Variants in RBM47 observed in about 807,000 individuals in gnomAD.
RBM47 encodes the protein RNA binding motif protein 47, also known as RNA-binding protein 47.
In RBM47, 21 loss-of-function variants were observed where a neutral mutation model predicts 47.1. That is an observed-to-expected ratio of 0.45 (90% CI 0.32 to 0.64). RBM47 has a LOEUF of 0.64. Among genes scored for constraint, RBM47 ranks in the 30% least tolerant of loss-of-function variants. RBM47 has a pLI of 0.05. For missense variants in RBM47, 708 were observed against 870.9 expected (o/e 0.81, Z 2.35); for synonymous variants, 375 against 361.7 (o/e 1.04, Z -0.42).
chr4:40,581,849 G>A (rs1026131172), intron 1 of RBM47, among the ~76,000 whole-genome samples: 8 of 150,196 alleles, frequency 5.3e-5, no homozygotes, highest in East Asian at 2.0e-4. Context: ...TCTCCTGAAC[G>A]CCAGCCCCAG....
chr4:40,575,556 A>AAAAAAAAAAAAAC (rs1732214926), intron 1 of RBM47, among the ~76,000 whole-genome samples: 4 of 149,198 alleles, frequency 2.7e-5, no homozygotes, highest in Non-Finnish European at 5.9e-5. Flanking sequence ...CCATCTCAAA[A>AAAAAAAAAAAAAC]AAAAAAAAAA....
chr4:40,428,572 T>G (rs1444182046), intron 6 of RBM47, among the ~76,000 whole-genome samples: 1 of 152,104 alleles, frequency 6.6e-6, no homozygotes. Flanking sequence ...TAATAACCAG[T>G]GCAAAAAGGG....
chr4:40,579,997 A>T (rs1411979747), intron 1 of RBM47, among the ~76,000 whole-genome samples: 1 of 151,998 alleles, frequency 6.6e-6, no homozygotes, highest in Non-Finnish European at 1.5e-5. Flanking sequence ...GGCTCAAGGG[A>T]TCTTCCTGCC....
At chr4:40,610,639 A>G (rs1253355739) in intron 1 of RBM47, among the ~76,000 whole-genome samples, 2 of 148,734 alleles carry the variant, frequency 1.3e-5, no homozygotes, top group African/African-American at 2.5e-5. Context: ...AAAGAACAGG[A>G]CCAAGCACAT....
At position 40,438,969 on chromosome 4, in the gene RBM47, G is replaced by A. The variant is rs907203813; in HGVS notation, c.-31-45C>T. On this transcript the variant is annotated intron_variant, in intron 3 of 6. Transcript: ENST00000295971. ...CGTGAGTGGGGAACCGCTGGATCTT[G>A]CCTCTTTTGGGTTGTGTTTCGCAGC... The A allele has an allele frequency of 7.0e-6, 10 of 1,429,860 alleles. No individual in the cohort carries two copies. The African/African-American group carries it at 1.3e-4, about 18-fold the overall frequency. The allele number at this position is 1,429,860 out of a possible 1,614,324, so 88.6% of individuals were successfully genotyped here. A position where few individuals can be genotyped will look rare whatever the true frequency, so the allele number is the denominator to read the frequency against.
At chr4:40,523,203 G>A (rs889693010) in intron 2 of RBM47, among the ~76,000 whole-genome samples, 10 of 151,822 alleles carry the variant, frequency 6.6e-5, no homozygotes, top group Non-Finnish European at 1.3e-4. Context: ...CTGACCTCAA[G>A]TGACCCACCC....
At chr4:40,434,911 C>T (rs868562959) in intron 5 of RBM47, among the ~76,000 whole-genome samples, 1 of 152,138 alleles carries the variant, frequency 6.6e-6, no homozygotes, top group Non-Finnish European at 1.5e-5. Context: ...TCTTCAACTT[C>T]CTCCTGCTGA....
chr4:40,548,652 T>C (rs763403403), intron 1 of RBM47, among the ~76,000 whole-genome samples: 1 of 151,984 alleles, frequency 6.6e-6, no homozygotes, highest in Non-Finnish European at 1.5e-5. Flanking sequence ...CCCTGGCTTT[T>C]AAATCTGAGT....
At chr4:40,612,349 A>C (rs554017314) in intron 1 of RBM47, among the ~76,000 whole-genome samples, 1 of 152,282 alleles carries the variant, frequency 6.6e-6, no homozygotes, top group Admixed American at 6.5e-5. Flanking sequence ...CTCTACTAAA[A>C]ACACACACAA....
Position 40,545,309 on chromosome 4 carries a change from C to T in RBM47, c.-239-803G>A, listed in dbSNP as rs567734679. 2.1e-3 allele frequency among the ~76,000 whole-genome samples: 313 copies of T among 150,052 alleles called. 3 individuals carry two copies. Among genetic ancestry groups the T allele is most frequent in the African/African-American group, 6.9e-3 (285 of 41,270 alleles). On this transcript the variant is annotated intron_variant, in intron 1 of 6. Coordinates refer to ENST00000295971, the MANE Select transcript of RBM47 (RefSeq NM_001098634.2). ...CTCATGATCTGCCCGCCTCAGCCTC[C>T]CAAAGTGCTGGGATTACAGGCGTGA...
chr4:40,523,971 A>G (rs747707620), intron 2 of RBM47, among the ~76,000 whole-genome samples: 1 of 152,174 alleles, frequency 6.6e-6, no homozygotes, highest in African/African-American at 2.4e-5. Flanking sequence ...TAAGAAATGA[A>G]TATTTTCATA....
At position 40,425,598 on chromosome 4, in the gene RBM47, C is replaced by A. The variant is rs1432134398; in HGVS notation, c.*306G>T. 4 of 219,302 alleles carry A rather than the reference C, an allele frequency of 1.8e-5. No individual in the cohort carries two copies. Among genetic ancestry groups the A allele is most frequent in the East Asian group, 9.8e-5 (1 of 10,254 alleles). 13.6% of individuals were successfully genotyped at this position (219,302 alleles called of 1,614,324 possible). On this transcript the variant is annotated 3_prime_UTR_variant, in exon 7 of 7. Transcript: ENST00000295971. Reference sequence around the variant, plus strand: ...AATAACCTTCATACTGAAAATATATCCTTAAAAAAACAACAACAAAAACCT... The same window carrying A: ...AATAACCTTCATACTGAAAATATATACTTAAAAAAACAACAACAAAAACCT...
intron 3 of RBM47, among the ~76,000 whole-genome samples, chr4:40,446,738 CAAAAAAAAAA>C (rs34186378): frequency 1.4e-4 from 11 of 76,308 alleles, no homozygotes; most frequent in African/African-American, 5.4e-4. Flanking sequence ...GACCCAGTCT[CAAAAAAAAAA>C]AAAAAAAAAA....
chr4:40,615,900 TAAA>T lies in RBM47; in HGVS notation c.-240+13493_-240+13495del, dbSNP rs536632351. Among the ~76,000 whole-genome samples the T allele has an allele frequency of 2.2e-3, 342 of 152,282 alleles. 1 individual carries two copies. Among genetic ancestry groups the T allele is most frequent in the African/African-American group, 7.8e-3 (323 of 41,564 alleles). On this transcript the variant is annotated intron_variant, in intron 1 of 6. Transcript: ENST00000295971. ...CATCTGTGGCTCAATTAAGCAATAA[TAAA>T]TACAATTACACCTCATGGGCTCCAC...
chr4:40,574,768 T>G (rs906927216), intron 1 of RBM47, among the ~76,000 whole-genome samples: 2 of 152,150 alleles, frequency 1.3e-5, no homozygotes, highest in Non-Finnish European at 2.9e-5. Context: ...AAGAATCACT[T>G]GAACCCCGGA....
intron 1 of RBM47, among the ~76,000 whole-genome samples, chr4:40,577,470 C>G (rs969681232): frequency 1.3e-5 from 2 of 151,588 alleles, no homozygotes; most frequent in African/African-American, 4.8e-5. Context: ...GAAGACAGCT[C>G]AGAGAACAGC....
intron 1 of RBM47, among the ~76,000 whole-genome samples, chr4:40,551,233 A>T (rs1186113756): frequency 1.3e-5 from 2 of 152,176 alleles, no homozygotes; most frequent in Admixed American, 1.3e-4. Context: ...GTGGCCACAA[A>T]ATACATATGG....
chr4:40,575,606 A>T (rs933188797), intron 1 of RBM47, among the ~76,000 whole-genome samples: 1 of 151,916 alleles, frequency 6.6e-6, no homozygotes, highest in Non-Finnish European at 1.5e-5. Context: ...AGTCTCCCCA[A>T]GTTAACTGAA....
intron 2 of RBM47, among the ~76,000 whole-genome samples, chr4:40,500,292 G>A (rs951788454): frequency 2.0e-5 from 3 of 149,276 alleles, no homozygotes; most frequent in Non-Finnish European, 3.0e-5. Flanking sequence ...CAGCCTGGGC[G>A]ACAAGGGCCA....
Sources: gnomAD v4.1 joint callset for allele counts (sites outside exome capture counted in the v4.1 genomes callset) on GRCh38, gnomAD v4.1.1 for gene constraint, MANE v1.5 for transcripts, NCBI Gene and HGNC (gene_info 2026-07-23, HGNC 2026-07-21) for gene names.